The following CTBP2 variants were observed in gnomAD, a reference collection of about 807,000 sequenced individuals.
The protein encoded by CTBP2 is C-terminal binding protein 2, also known as C-terminal-binding protein 2.
CTBP2 carries 30 observed loss-of-function variants against 80.3 expected under a neutral mutation model. The ratio of observed to expected loss-of-function variants is 0.37; its 90% CI spans 0.28 to 0.51. The LOEUF (loss-of-function observed/expected upper bound fraction) is 0.51, where lower values mean the gene tolerates loss of function less well. CTBP2 is among the 20% of genes least tolerant of loss of function. CTBP2 has a pLI of 0.93. For missense variants in CTBP2, 1,212 were observed against 1,375.3 expected (o/e 0.88, Z 1.88); for synonymous variants, 594 against 587.4 (o/e 1.01, Z -0.16).
At chr10:125,091,709 C>T (rs1219391548) in intron 2 of CTBP2, among the ~76,000 whole-genome samples, 3 of 152,212 alleles carry the variant, frequency 2.0e-5, no homozygotes, top group African/African-American at 7.2e-5. Flanking sequence ...GTCAAGACTG[C>T]TGTGAGCTGT....
chr10:125,112,314 C>T (rs1465971017), intron 1 of CTBP2, among the ~76,000 whole-genome samples: 2 of 151,882 alleles, frequency 1.3e-5, no homozygotes, highest in African/African-American at 4.8e-5. Context: ...GGTTTCACCA[C>T]GTTGGTCAGG....
At chr10:125,055,270 C>G (rs980757925) in intron 2 of CTBP2, among the ~76,000 whole-genome samples, 1 of 152,198 alleles carries the variant, frequency 6.6e-6, no homozygotes, top group Non-Finnish European at 1.5e-5. Context: ...GGCACAAACA[C>G]AGCCGCTTCT....
intron 1 of CTBP2, among the ~76,000 whole-genome samples, chr10:125,010,737 T>C (rs1955788588): frequency 6.6e-6 from 1 of 152,122 alleles, no homozygotes; most frequent in Non-Finnish European, 1.5e-5. Context: ...GAGGAGAGAA[T>C]GAGAGAGCAG....
At chr10:125,055,997 T>A (rs752819087) in intron 2 of CTBP2, among the ~76,000 whole-genome samples, 7 of 152,012 alleles carry the variant, frequency 4.6e-5, no homozygotes, top group Non-Finnish European at 7.4e-5. Flanking sequence ...AAACCCCGTG[T>A]GTACTAAAAA....
chr10:125,058,304 A>G (rs1270491598), intron 2 of CTBP2, among the ~76,000 whole-genome samples: 1 of 152,148 alleles, frequency 6.6e-6, no homozygotes, highest in East Asian at 1.9e-4. Context: ...TTCACGTGAT[A>G]CGATTGCACA....
chr10:125,153,454 G>A (rs1860363575), intron 1 of CTBP2, among the ~76,000 whole-genome samples: 1 of 152,220 alleles, frequency 6.6e-6, no homozygotes, highest in South Asian at 2.1e-4. Flanking sequence ...CCATCCATCA[G>A]CAAAATAATA....
At chr10:125,072,529 T>C (rs1845640896) in intron 2 of CTBP2, among the ~76,000 whole-genome samples, 1 of 149,412 alleles carries the variant, frequency 6.7e-6, no homozygotes. Flanking sequence ...GGCAAGAGAA[T>C]TGCTCTAACC....
At chr10:125,129,713 C>T (rs1012998399) in intron 1 of CTBP2, among the ~76,000 whole-genome samples, 2 of 152,174 alleles carry the variant, frequency 1.3e-5, no homozygotes, top group Non-Finnish European at 2.9e-5. Context: ...TTATTCAGAG[C>T]GATTCACAGG....
At chr10:125,125,836 C>CT in intron 1 of CTBP2, among the ~76,000 whole-genome samples, 1 of 152,356 alleles carries the variant, frequency 6.6e-6, no homozygotes, top group South Asian at 2.1e-4. Context: ...AGCTCAGGGG[C>CT]TGTCCCTCTG....
At chr10:125,145,803 G>C (rs977990718) in intron 1 of CTBP2, among the ~76,000 whole-genome samples, 1 of 152,166 alleles carries the variant, frequency 6.6e-6, no homozygotes, top group African/African-American at 2.4e-5. Flanking sequence ...TGCAATTGAA[G>C]AATATGACAT....
chr10:125,035,992 CAA>C lies in CTBP2; in HGVS notation c.58+3003_58+3004del, dbSNP rs565813093. Among the ~76,000 whole-genome samples, 4 of 152,216 alleles carry C rather than the reference CAA, an allele frequency of 2.6e-5. No individual in the cohort carries two copies. The East Asian group carries it at 5.8e-4, about 22-fold the overall frequency. On this transcript the variant is annotated intron_variant, in intron 3 of 10. Coordinates refer to the CTBP2 transcript ENST00000337195. ...AAGGAACAATTATAAATAGCAAACT[CAA>C]AGAGTTACATTAAAAAAATTAAAAT...
At position 125,090,285 on chromosome 10, in the gene CTBP2, C is replaced by CAAAAAAAAAAAAAAAAAAAAA. The variant is rs56714830; in HGVS notation, c.-102+20704_-102+20705insTTTTTTTTTTTTTTTTTTTTT. Among the ~76,000 whole-genome samples the CAAAAAAAAAAAAAAAAAAAAA allele has an allele frequency of 1.0e-3, 67 of 65,404 alleles. 4 individuals carry two copies. Among genetic ancestry groups the CAAAAAAAAAAAAAAAAAAAAA allele is most frequent in the African/African-American group, 4.2e-3 (61 of 14,466 alleles). The allele number at this position is 65,404 out of a possible 152,430, so 42.9% of individuals were successfully genotyped here. ...TCTGGGCGACAGAGAGTCCCTGGCT[C>CAAAAAAAAAAAAAAAAAAAAA]AAAAAAAAAAAAAAAAAGGTTGGGG... On this transcript the variant is annotated intron_variant, in intron 2 of 10. Transcript: ENST00000337195.
At chr10:125,114,137 C>T (rs1331497155) in intron 1 of CTBP2, among the ~76,000 whole-genome samples, 2 of 152,220 alleles carry the variant, frequency 1.3e-5, no homozygotes, top group East Asian at 1.9e-4. Context: ...TACAACGAGA[C>T]GCAGAAATGA....
At chr10:125,059,787 C>G (rs922299546) in intron 2 of CTBP2, among the ~76,000 whole-genome samples, 2 of 152,292 alleles carry the variant, frequency 1.3e-5, no homozygotes, top group African/African-American at 4.8e-5. Context: ...CGCCCACCCC[C>G]ACCAGCTCCA....
intron 2 of CTBP2, among the ~76,000 whole-genome samples, chr10:125,101,034 T>C (rs1850538153): frequency 6.6e-6 from 1 of 152,250 alleles, no homozygotes; most frequent in Admixed American, 6.5e-5. Context: ...ATCAATTAAA[T>C]CTTGAGAAAA....
chr10:125,028,007 C>G lies in CTBP2; in HGVS notation c.-248G>C, dbSNP rs983277341. On this transcript the variant is annotated 5_prime_UTR_variant, in exon 1 of 9. Transcript: ENST00000309035. Reference sequence around the variant, plus strand: ...GATAGCCAGAGAGGTCTGTTCCTTACAGCTCAGTCCCGGAGAGGAGGCTGT... The same window carrying G: ...GATAGCCAGAGAGGTCTGTTCCTTAGAGCTCAGTCCCGGAGAGGAGGCTGT... 45 of 1,111,472 alleles carry G rather than the reference C, an allele frequency of 4.0e-5. No individual in the cohort carries two copies. The highest frequency in any genetic ancestry group is 6.8e-4 in the Middle Eastern group (2 of 2,920). 68.9% of individuals were successfully genotyped at this position (1,111,472 alleles called of 1,614,324 possible).
Position 124,986,331 on chromosome 10 carries a change from C to A in CTBP2, c.*3187G>T. 6.7e-6 allele frequency: 1 copy of A among 149,346 alleles called. No homozygotes were observed. Among genetic ancestry groups the A allele is most frequent in the South Asian group, 2.1e-4 (1 of 4,824 alleles). 9.3% of individuals were successfully genotyped at this position (149,346 alleles called of 1,614,324 possible). On this transcript the variant is annotated 3_prime_UTR_variant, in exon 9 of 9. Coordinates refer to ENST00000309035, the MANE Select transcript of CTBP2 (RefSeq NM_022802.3). ...CACACACACACACACACAGTTTTTT[C>A]CTTCCCTGTGATGAAAAAGGCTGTG...
chr10:125,016,908 C>T (rs768537994), intron 1 of CTBP2, among the ~76,000 whole-genome samples: 27 of 152,228 alleles, frequency 1.8e-4, no homozygotes, highest in Non-Finnish European at 3.7e-4. Context: ...GGCAAATCCC[C>T]AGTGGGGAAA....
chr10:125,061,647 C>T (rs1315845294), intron 2 of CTBP2, among the ~76,000 whole-genome samples: 1 of 152,156 alleles, frequency 6.6e-6, no homozygotes, highest in Non-Finnish European at 1.5e-5. Flanking sequence ...GCCCCCACAC[C>T]AAGCCAGAGG....
Sources: gnomAD v4.1 joint callset for allele counts (sites outside exome capture counted in the v4.1 genomes callset) on GRCh38, gnomAD v4.1.1 for gene constraint, MANE v1.5 for transcripts, NCBI Gene and HGNC (gene_info 2026-07-23, HGNC 2026-07-21) for gene names.